Variants in ZCCHC10 observed in about 807,000 individuals in gnomAD.
ZCCHC10 encodes the protein zinc finger CCHC-type containing 10.
A neutral mutation model predicts 19.5 loss-of-function variants in ZCCHC10; 16 were observed. The observed-to-expected ratio is 0.82, with a 90% CI of 0.56 to 1.25. The LOEUF is 1.25. Ranked by LOEUF, ZCCHC10 falls within the 50% of genes most tolerant of loss-of-function variation. The probability of loss-of-function intolerance (pLI) is 0.00; values close to 1 mark genes in which losing one functional copy is unlikely to be tolerated. For missense variants in ZCCHC10, 197 were observed against 201.0 expected (o/e 0.98, Z 0.12); for synonymous variants, 67 against 72.5 (o/e 0.92, Z 0.38).
At chr5:133,020,913 TCTGAGAC>T (rs1251191842) in intron 2 of ZCCHC10, among the ~76,000 whole-genome samples, 1 of 150,558 alleles carries the variant, frequency 6.6e-6, no homozygotes, top group Non-Finnish European at 1.5e-5. Context: ...ATTTTTTTTT[TCTGAGAC>T]AAGTCTCGCT....
At chr5:133,015,873 A>G (rs73254815) in intron 2 of ZCCHC10, among the ~76,000 whole-genome samples, 1 of 152,212 alleles carries the variant, frequency 6.6e-6, no homozygotes, top group South Asian at 2.1e-4. Context: ...TTGTGGGCTA[A>G]TACTTGAAAA....
chr5:132,998,731 C>A lies in ZCCHC10; in HGVS notation c.431G>T (p.Ser144Ile). Residue 144 changes from serine to isoleucine, a missense_variant, in exon 5 of 5, where the codon AGC becomes ATC. Coordinates refer to ENST00000509437, the MANE Select transcript of ZCCHC10 (RefSeq NM_001300816.3). ...GGCTGAGGATGAGGAACTAGAGGAG[C>A]TTTCATCAGTGTCACTGTCCTCTGA... Reference protein sequence around the residue: ...SSSEDSDTDESSSSSSSSASS... With the variant: ...SSSEDSDTDEISSSSSSSASS... 6 of 1,614,096 alleles carry A rather than the reference C, an allele frequency of 3.7e-6. No individual in the cohort carries two copies. Among genetic ancestry groups the A allele is most frequent in the African/African-American group, 1.3e-5 (1 of 75,036 alleles).
At chr5:133,006,673 A>G in intron 3 of ZCCHC10, 86 bp downstream of exon 3, 1 of 1,286,266 alleles carries the variant, frequency 7.8e-7, no homozygotes, top group South Asian at 1.7e-5. Context: ...TAAAATCTGG[A>G]GAACCACCAT....
chr5:133,011,166 G>T (rs902602589), intron 2 of ZCCHC10, among the ~76,000 whole-genome samples: 1 of 151,468 alleles, frequency 6.6e-6, no homozygotes, highest in Non-Finnish European at 1.5e-5. Context: ...TGCCCCGGCT[G>T]GTCTTGAACT....
chr5:133,011,846 A>C (rs1330763322), intron 2 of ZCCHC10, among the ~76,000 whole-genome samples: 23 of 151,952 alleles, frequency 1.5e-4, no homozygotes, highest in Admixed American at 1.5e-3. Context: ...AAATATGTAC[A>C]CAGCCAGGCT....
At chr5:133,007,458 G>A (rs551521766) in intron 2 of ZCCHC10, among the ~76,000 whole-genome samples, 1 of 151,684 alleles carries the variant, frequency 6.6e-6, no homozygotes, top group South Asian at 2.1e-4. Context: ...CAGGAGAATG[G>A]TATGAACCCG....
chr5:133,025,803 C>A (rs1016955300), intron 1 of ZCCHC10, among the ~76,000 whole-genome samples: 1 of 152,042 alleles, frequency 6.6e-6, no homozygotes, highest in African/African-American at 2.4e-5. Context: ...TCCCTCTTTC[C>A]ATCACAACAG....
chr5:133,004,740 T>A (rs1255665563), intron 3 of ZCCHC10, among the ~76,000 whole-genome samples: 1 of 151,676 alleles, frequency 6.6e-6, no homozygotes, highest in Non-Finnish European at 1.5e-5. Flanking sequence ...TCTGCCTGCC[T>A]CGGCCTCCCA....
At chr5:133,018,412 T>C (rs187974803) in intron 2 of ZCCHC10, among the ~76,000 whole-genome samples, 2 of 152,144 alleles carry the variant, frequency 1.3e-5, no homozygotes, top group Admixed American at 1.3e-4. Context: ...CCTCTCTCTT[T>C]TTTTTGAGAC....
chr5:133,026,343 A>G (rs975768172), intron 1 of ZCCHC10, 154 bp downstream of exon 1: 5 of 1,085,216 alleles, frequency 4.6e-6, no homozygotes, highest in Non-Finnish European at 6.8e-6. Flanking sequence ...CGGTCACCAG[A>G]CTTATCGCCC....
At chr5:133,005,501 C>T (rs1033198532) in intron 3 of ZCCHC10, among the ~76,000 whole-genome samples, 20 of 152,086 alleles carry the variant, frequency 1.3e-4, no homozygotes, top group African/African-American at 4.6e-4. Flanking sequence ...GAAGTCTCAG[C>T]TACTGGGGAG....
intron 3 of ZCCHC10, 95 bp from the exon 4 acceptor site, chr5:133,000,268 T>G: frequency 7.3e-7 from 1 of 1,365,340 alleles, no homozygotes; most frequent in Non-Finnish European, 1.0e-6. Context: ...CATTTTACTC[T>G]GGAGAAAGAT....
chr5:133,023,619 A>G (rs535454407), intron 1 of ZCCHC10, among the ~76,000 whole-genome samples: 1 of 152,028 alleles, frequency 6.6e-6, no homozygotes, highest in Non-Finnish European at 1.5e-5. Context: ...TACTAAAAAT[A>G]CAAAATTAGC....
intron 2 of ZCCHC10, among the ~76,000 whole-genome samples, chr5:133,021,206 T>A (rs1478755482): frequency 1.3e-5 from 2 of 151,922 alleles, no homozygotes; most frequent in African/African-American, 2.4e-5. Flanking sequence ...AATTTTTGTA[T>A]TTTTAGTAGA....
intron 1 of ZCCHC10, among the ~76,000 whole-genome samples, chr5:133,023,883 C>A (rs1355500762): frequency 6.6e-6 from 1 of 151,940 alleles, no homozygotes; most frequent in Non-Finnish European, 1.5e-5. Flanking sequence ...AAAATTAAAC[C>A]TTTTTGATGA....
At chr5:133,021,461 T>C (rs1764306362) in intron 2 of ZCCHC10, among the ~76,000 whole-genome samples, 1 of 152,206 alleles carries the variant, frequency 6.6e-6, no homozygotes, top group Non-Finnish European at 1.5e-5. Context: ...AATGGCGAGA[T>C]ATACATAAGC....
intron 2 of ZCCHC10, among the ~76,000 whole-genome samples, chr5:133,018,750 A>G (rs553701536): frequency 3.0e-4 from 45 of 152,280 alleles, no homozygotes; most frequent in African/African-American, 9.1e-4. Flanking sequence ...CAATACTGTA[A>G]GTTTCCTATG....
At chr5:133,013,710 A>G (rs1763726626) in intron 2 of ZCCHC10, among the ~76,000 whole-genome samples, 1 of 152,106 alleles carries the variant, frequency 6.6e-6, no homozygotes, top group Non-Finnish European at 1.5e-5. Context: ...CAACAAAGCA[A>G]GACTCCATCT....
chr5:133,002,491 G>A lies in ZCCHC10; in HGVS notation c.270-2318C>T, dbSNP rs188173857. On this transcript the variant is annotated intron_variant, in intron 3 of 4. Coordinates refer to ENST00000509437, the MANE Select transcript of ZCCHC10 (RefSeq NM_001300816.3). Reference sequence around the variant, plus strand: ...CAAAGTGCTAGGATTATAGGTGTGCGCCTAAACTAGAATGAAAATTTTCAT... The same window carrying A: ...CAAAGTGCTAGGATTATAGGTGTGCACCTAAACTAGAATGAAAATTTTCAT... Among the ~76,000 whole-genome samples the A allele has an allele frequency of 4.4e-3, 669 of 152,158 alleles. 3 individuals are homozygous for A. Among genetic ancestry groups the A allele is most frequent in the Non-Finnish European group, 5.3e-3 (362 of 68,006 alleles).
Sources: allele counts gnomAD v4.1 joint callset (sites outside exome capture counted in the v4.1 genomes callset), GRCh38; gene constraint gnomAD v4.1.1; transcripts MANE v1.5; gene names NCBI Gene and HGNC (gene_info 2026-07-23, HGNC 2026-07-21).